The following GABRR2 variants were observed in gnomAD, a reference collection of about 807,000 sequenced individuals.
The protein encoded by GABRR2 is gamma-aminobutyric acid receptor subunit rho-2.
GABRR2 carries 36 observed loss-of-function variants against 47.0 expected under a neutral mutation model. The ratio of observed to expected loss-of-function variants is 0.77; its 90% CI spans 0.59 to 1.01. The LOEUF (loss-of-function observed/expected upper bound fraction) is 1.01. Ranked by LOEUF, GABRR2 falls within the 50% of genes least tolerant of loss-of-function variation. The probability of loss-of-function intolerance (pLI) is 0.00; values close to 1 mark genes in which losing one functional copy is unlikely to be tolerated. For missense variants in GABRR2, 587 were observed against 594.6 expected (o/e 0.99, Z 0.13); for synonymous variants, 204 against 227.5 (o/e 0.90, Z 0.93).
chr6:89,309,250 C>T (rs1767633672), intron 1 of GABRR2, among the ~76,000 whole-genome samples: 1 of 152,138 alleles, frequency 6.6e-6, no homozygotes, highest in African/African-American at 2.4e-5. Flanking sequence ...TCCACATTGT[C>T]CTGCCCTATT....
chr6:89,262,939 C>G (rs1482065696), intron 8 of GABRR2, among the ~76,000 whole-genome samples: 2 of 152,210 alleles, frequency 1.3e-5, no homozygotes, highest in East Asian at 1.9e-4. Context: ...AGACCTAACA[C>G]TAAAATGAAT....
In GABRR2 at chr6:89,254,760, C is replaced by A. The variant is rs748821589; in HGVS notation, c.*2910G>T. 1.4e-4 allele frequency among the ~76,000 whole-genome samples: 22 copies of A among 152,258 alleles called. No homozygotes were observed. The highest frequency in any genetic ancestry group is 3.3e-4 in the Admixed American group (5 of 15,292). ...CCTTAGTTCCTGTTTTCTACTCCTA[C>A]CAATGTTGTCTCCACTTTACCTCTT... is the stretch of plus-strand genomic sequence containing the variant. On this transcript the variant is annotated 3_prime_UTR_variant, in exon 9 of 9. Coordinates refer to ENST00000402938, the MANE Select transcript of GABRR2 (RefSeq NM_002043.5).
intron 1 of GABRR2, chr6:89,303,054 G>A: frequency 1.0e-6 from 1 of 970,704 alleles, no homozygotes; most frequent in Non-Finnish European, 1.5e-6. Flanking sequence ...CCATGGCCCA[G>A]GAGGAGGGTG....
chr6:89,305,190 A>G (rs1246294624), intron 1 of GABRR2, among the ~76,000 whole-genome samples: 2 of 152,042 alleles, frequency 1.3e-5, no homozygotes, highest in African/African-American at 4.8e-5. Flanking sequence ...CCCTGTCTCT[A>G]CTAAAACTAC....
At chr6:89,302,369 C>T (rs1158140022) in intron 1 of GABRR2, 71 of 567,074 alleles carry the variant, frequency 1.3e-4, no homozygotes, top group Non-Finnish European at 1.8e-5. Flanking sequence ...ACAGATGAGA[C>T]CTACTGCATC....
intron 8 of GABRR2, 103 bp from the exon 9 acceptor site, chr6:89,258,084 AAGAT>A (rs1259154352): frequency 2.8e-6 from 3 of 1,083,246 alleles, no homozygotes; most frequent in Non-Finnish European, 3.9e-6. Flanking sequence ...GAACCACAGA[AAGAT>A]AGAACTAGAA....
chr6:89,267,125 G>A (rs549624879), intron 6 of GABRR2, among the ~76,000 whole-genome samples: 49 of 150,490 alleles, frequency 3.3e-4, no homozygotes, highest in African/African-American at 9.1e-4. Context: ...TCAGCCTCCC[G>A]AGTAGCTGGG....
chr6:89,274,697 T>C (rs1489627431), intron 2 of GABRR2, among the ~76,000 whole-genome samples: 1 of 151,876 alleles, frequency 6.6e-6, no homozygotes, highest in East Asian at 1.9e-4. Flanking sequence ...CGAAACCCTG[T>C]CTCTACAGAA....
At chr6:89,268,817 C>G (rs536484497) in intron 4 of GABRR2, among the ~76,000 whole-genome samples, 194 bp downstream of exon 4, 2 of 152,282 alleles carry the variant, frequency 1.3e-5, no homozygotes, top group South Asian at 2.1e-4. Context: ...AAGCTTAAGA[C>G]CCCCAGTGAT....
rs561814809 is a variant in GABRR2, at chr6:89,290,832, G to T, written c.220+8927C>A. 2.2e-4 allele frequency among the ~76,000 whole-genome samples: 33 copies of T among 152,266 alleles called. No homozygotes were observed. In the South Asian group the frequency reaches 6.2e-3, roughly 29 times the overall value. On this transcript the variant is annotated intron_variant, in intron 2 of 8. Coordinates refer to ENST00000402938, the MANE Select transcript of GABRR2 (RefSeq NM_002043.5). Reference sequence around the variant, plus strand: ...TCTTTTGAAGGCCACAGCTCCCATCGGGCGGCTTTTTCCAAGAGCTACAGC... The same window carrying T: ...TCTTTTGAAGGCCACAGCTCCCATCTGGCGGCTTTTTCCAAGAGCTACAGC...
intron 2 of GABRR2, among the ~76,000 whole-genome samples, chr6:89,283,387 C>G (rs182547462): frequency 1.7e-4 from 26 of 152,014 alleles, no homozygotes; most frequent in South Asian, 6.2e-4. Flanking sequence ...ATTTAAATAT[C>G]CTTCAATAAG....
At chr6:89,307,630 TTAG>T (rs1435970433) in intron 1 of GABRR2, among the ~76,000 whole-genome samples, 12 of 152,146 alleles carry the variant, frequency 7.9e-5, no homozygotes, top group Non-Finnish European at 1.3e-4. Context: ...TGCTGACAAC[TTAG>T]TAGTAGCAAG....
At chr6:89,292,853 T>C (rs1189044452) in intron 2 of GABRR2, among the ~76,000 whole-genome samples, 1 of 142,980 alleles carries the variant, frequency 7.0e-6, no homozygotes, top group Non-Finnish European at 1.5e-5. Flanking sequence ...ATCGTATATA[T>C]CATATATTAT....
At position 89,301,991 on chromosome 6, in the gene GABRR2, G is replaced by A. The variant is rs528134381; in HGVS notation, c.114-2126C>T. ...CGGGCCATTCGTCGACCTGGAGCCCGGGACCATGGACAGTGTCGGCTCGGG... is the reference window on the plus strand; with the variant it reads ...CGGGCCATTCGTCGACCTGGAGCCCAGGACCATGGACAGTGTCGGCTCGGG... On this transcript the variant is annotated intron_variant, in intron 1 of 8. Coordinates refer to ENST00000402938, the MANE Select transcript of GABRR2 (RefSeq NM_002043.5). 32 of 746,576 alleles carry A rather than the reference G, an allele frequency of 4.3e-5. No homozygotes were observed. In the East Asian group the frequency reaches 7.3e-4, roughly 17 times the overall value. 46.2% of individuals were successfully genotyped at this position (746,576 alleles called of 1,614,324 possible).
chr6:89,267,842 T>G, intron 5 of GABRR2, 23 bp from the exon 6 acceptor site: 1 of 1,606,064 alleles, frequency 6.2e-7, no homozygotes. Flanking sequence ...GAAAACAAGT[T>G]AATTTGACTC....
intron 4 of GABRR2, among the ~76,000 whole-genome samples, chr6:89,268,460 GT>G (rs1773960707): frequency 3.9e-5 from 6 of 152,226 alleles, no homozygotes; most frequent in Admixed American, 3.9e-4. Context: ...AAGGCCAGAA[GT>G]GTCTAGTATC....
rs117430605 is a variant in GABRR2 at position 89,296,388 on chromosome 6, C to T, written c.220+3371G>A. Among the ~76,000 whole-genome samples the T allele has an allele frequency of 2.8e-4, 43 of 152,308 alleles. No individual in the cohort carries two copies. The East Asian group carries it at 8.1e-3, about 29-fold the overall frequency. On this transcript the variant is annotated intron_variant, in intron 2 of 8. Coordinates refer to ENST00000402938, the MANE Select transcript of GABRR2 (RefSeq NM_002043.5). Reference sequence around the variant, plus strand: ...GAGCCCTGGTACCTCACTATGTGCTCTCCTCCCCCCGTTTCATCCAAGTGA... The same window carrying T: ...GAGCCCTGGTACCTCACTATGTGCTTTCCTCCCCCCGTTTCATCCAAGTGA...
rs541977667 is a variant in GABRR2 at position 89,302,672 on chromosome 6, C to T, written c.114-2807G>A. The T allele has an allele frequency of 3.2e-5, 42 of 1,296,784 alleles. No homozygotes were observed. The Middle Eastern group carries it at 7.7e-4, about 24-fold the overall frequency. 80.3% of individuals were successfully genotyped at this position (1,296,784 alleles called of 1,614,324 possible). The stretch of plus-strand genomic sequence containing the variant: ...ATGCCAAGAACATGATGGCTGCCCG[C>T]GACCGGCACCACGGCTGCTACCTGG... On this transcript the variant is annotated intron_variant, in intron 1 of 8. Coordinates refer to ENST00000402938, the MANE Select transcript of GABRR2 (RefSeq NM_002043.5).
At chr6:89,289,541 G>C (rs538918538) in intron 2 of GABRR2, among the ~76,000 whole-genome samples, 2 of 152,070 alleles carry the variant, frequency 1.3e-5, no homozygotes, top group Non-Finnish European at 2.9e-5. Flanking sequence ...TTTCAGAGAG[G>C]GCGCAGCTAG....
Sources: gnomAD v4.1 joint callset for allele counts (sites outside exome capture counted in the v4.1 genomes callset) on GRCh38, gnomAD v4.1.1 for gene constraint, MANE v1.5 for transcripts, NCBI Gene and HGNC (gene_info 2026-07-23, HGNC 2026-07-21) for gene names.